KCNIP4: variants seen among roughly 807,000 people sequenced by gnomAD.
The protein encoded by KCNIP4 is potassium voltage-gated channel interacting protein 4, also known as Kv channel-interacting protein 4.
In KCNIP4, 12 loss-of-function variants were observed where a neutral mutation model predicts 34.0. The observed-to-expected ratio is 0.35, with a 90% CI of 0.23 to 0.57. KCNIP4 has a LOEUF of 0.57. KCNIP4 is among the 20% of genes least tolerant of loss of function. The pLI is 0.83. For missense variants in KCNIP4, 238 were observed against 311.7 expected, an observed-to-expected ratio of 0.76 and a Z score of 1.78; for synonymous variants, 124 against 102.2, an observed-to-expected ratio of 1.21 and a Z score of -1.29.
chr4:21,064,665 A>G (rs1438560251), intron 1 of KCNIP4, among the ~76,000 whole-genome samples: 1 of 152,186 alleles, frequency 6.6e-6, no homozygotes, highest in African/African-American at 2.4e-5. Context: ...ATAAGTGCTC[A>G]ATAATTGTTA....
rs376011875 is a variant in KCNIP4, at chr4:21,337,354, A to G, written c.62-454645T>C. 4.6e-5 allele frequency among the ~76,000 whole-genome samples: 7 copies of G among 152,274 alleles called. No individual in the cohort carries two copies. In the East Asian group the frequency reaches 1.4e-3, roughly 29 times the overall value. The stretch of plus-strand genomic sequence containing the variant: ...TTTCACTTTAAAATGATGCCATGAA[A>G]CCAATTTCTTCTGAGGCCAATAGGC... On this transcript the variant is annotated intron_variant, in intron 1 of 8. Coordinates refer to ENST00000382152, the MANE Select transcript of KCNIP4 (RefSeq NM_025221.6).
At chr4:21,325,158 G>T (rs905662318) in intron 1 of KCNIP4, among the ~76,000 whole-genome samples, 4 of 151,842 alleles carry the variant, frequency 2.6e-5, no homozygotes, top group African/African-American at 9.7e-5. Context: ...TAATTTTTCA[G>T]AATAGTTTGA....
chr4:21,090,866 T>A (rs1399002209), intron 1 of KCNIP4, among the ~76,000 whole-genome samples: 1 of 152,206 alleles, frequency 6.6e-6, no homozygotes, highest in African/African-American at 2.4e-5. Flanking sequence ...GAGAAAATAC[T>A]ACTAGACTAA....
chr4:21,264,089 T>C (rs944036512), intron 1 of KCNIP4, among the ~76,000 whole-genome samples: 1 of 152,164 alleles, frequency 6.6e-6, no homozygotes, highest in South Asian at 2.1e-4. Context: ...CTCATGTTCT[T>C]AAACCTCATC....
At chr4:21,351,251 C>G (rs868063071) in intron 1 of KCNIP4, among the ~76,000 whole-genome samples, 2 of 152,088 alleles carry the variant, frequency 1.3e-5, no homozygotes, top group Non-Finnish European at 2.9e-5. Context: ...CCAAATCTCA[C>G]CTTGAATTGT....
intron 1 of KCNIP4, among the ~76,000 whole-genome samples, chr4:21,422,899 A>G (rs1451144526): frequency 6.6e-6 from 1 of 152,234 alleles, no homozygotes; most frequent in Non-Finnish European, 1.5e-5. Flanking sequence ...CTGGTTGACC[A>G]GAAGATACTA....
intron 1 of KCNIP4, among the ~76,000 whole-genome samples, chr4:21,034,611 T>C (rs1741294862): frequency 6.6e-6 from 1 of 152,072 alleles, no homozygotes; most frequent in African/African-American, 2.4e-5. Flanking sequence ...GAAATGATGG[T>C]CGAATGATGG....
intron 6 of KCNIP4, among the ~76,000 whole-genome samples, chr4:20,733,403 AAAAAT>A (rs1346780080): frequency 6.6e-6 from 1 of 152,224 alleles, no homozygotes; most frequent in Non-Finnish European, 1.5e-5. Flanking sequence ...TTATGAGAGT[AAAAAT>A]AATCTCTAAT....
chr4:21,524,262 G>A (rs370130208), intron 1 of KCNIP4, among the ~76,000 whole-genome samples: 5 of 152,174 alleles, frequency 3.3e-5, no homozygotes, highest in African/African-American at 1.2e-4. Context: ...TGGGGTTAGG[G>A]TGTGAGCCCA....
chr4:21,716,342 T>G (rs1196568461), intron 1 of KCNIP4, among the ~76,000 whole-genome samples: 1 of 152,118 alleles, frequency 6.6e-6, no homozygotes, highest in African/African-American at 2.4e-5. Flanking sequence ...GTTCAAGCGA[T>G]TCTTCTGCCT....
At chr4:21,870,407 G>C (rs1362495535) in intron 1 of KCNIP4, among the ~76,000 whole-genome samples, 1 of 152,038 alleles carries the variant, frequency 6.6e-6, no homozygotes, top group East Asian at 1.9e-4. Flanking sequence ...CTAGACTCAG[G>C]GTCTAGCTTA....
At chr4:21,594,455 T>C (rs1742461761) in intron 1 of KCNIP4, among the ~76,000 whole-genome samples, 1 of 152,134 alleles carries the variant, frequency 6.6e-6, no homozygotes, top group Non-Finnish European at 1.5e-5. Context: ...TTAACTTTTA[T>C]GAGAACAATA....
intron 1 of KCNIP4, among the ~76,000 whole-genome samples, chr4:21,841,067 T>C (rs1048844346): frequency 1.3e-5 from 2 of 152,188 alleles, no homozygotes; most frequent in African/African-American, 4.8e-5. Context: ...CTTCCTAATA[T>C]TTGTTTCATA....
intron 1 of KCNIP4, among the ~76,000 whole-genome samples, chr4:21,929,641 G>T (rs966694071): frequency 1.3e-5 from 2 of 152,084 alleles, no homozygotes; most frequent in African/African-American, 2.4e-5. Flanking sequence ...CCCAAGAACT[G>T]CTCAGTCTAT....
intron 1 of KCNIP4, among the ~76,000 whole-genome samples, chr4:21,120,820 C>T (rs187155332): frequency 3.9e-5 from 6 of 152,236 alleles, no homozygotes; most frequent in East Asian, 3.9e-4. Context: ...GTGAAAACAC[C>T]GGTCTTACTA....
intron 1 of KCNIP4, among the ~76,000 whole-genome samples, chr4:21,374,699 A>G (rs985122509): frequency 2.7e-5 from 4 of 147,814 alleles, no homozygotes; most frequent in Non-Finnish European, 5.9e-5. Flanking sequence ...CATGAGAATA[A>G]CAAATGTATC....
At chr4:20,848,249 A>C (rs903859748) in intron 3 of KCNIP4, among the ~76,000 whole-genome samples, 1 of 152,044 alleles carries the variant, frequency 6.6e-6, no homozygotes, top group African/African-American at 2.4e-5. Context: ...GTGAGATGGG[A>C]GAAAGAGAAA....
intron 1 of KCNIP4, among the ~76,000 whole-genome samples, chr4:21,456,247 A>G (rs1186984975): frequency 6.8e-6 from 1 of 147,546 alleles, no homozygotes; most frequent in Non-Finnish European, 1.5e-5. Flanking sequence ...AGAGCAAGCC[A>G]TCTGCCCTGA....
At chr4:21,635,715 G>C (rs1282664851) in intron 1 of KCNIP4, among the ~76,000 whole-genome samples, 2 of 152,176 alleles carry the variant, frequency 1.3e-5, no homozygotes, top group Admixed American at 1.3e-4. Flanking sequence ...TTCAACCATT[G>C]TGGAAGTCAG....
Sources: allele counts gnomAD v4.1 joint callset (sites outside exome capture counted in the v4.1 genomes callset), GRCh38; gene constraint gnomAD v4.1.1; transcripts MANE v1.5; gene names NCBI Gene and HGNC (gene_info 2026-07-23, HGNC 2026-07-21).